The following TMEM222 variants were observed in gnomAD, a reference collection of about 807,000 sequenced individuals.
TMEM222 encodes the protein transmembrane protein 222, also known as chromosome 1 open reading frame 160.
Under a neutral mutation model 25.1 loss-of-function variants are expected in TMEM222, and 18 were observed. The ratio of observed to expected loss-of-function variants is 0.72; its 90% CI spans 0.50 to 1.06. TMEM222 has a LOEUF of 1.06. Ranked by LOEUF, TMEM222 falls within the 50% of genes least tolerant of loss-of-function variation. TMEM222 has a pLI of 0.00. For synonymous variants in TMEM222, 131 were observed against 117.9 expected (o/e 1.11, Z -0.72); for missense variants, 296 against 293.7 (o/e 1.01, Z -0.06).
intron 2 of TMEM222, chr1:27,331,107 TC>T: frequency 7.9e-7 from 1 of 1,263,442 alleles, no homozygotes; most frequent in Non-Finnish European, 1.0e-6. Flanking sequence ...AGTCAGACCA[TC>T]CAGGAACCAC....
rs754512500 is a variant in TMEM222 at position 27,334,295 on chromosome 1, C to T, written c.539+14C>T. 1.2e-6 allele frequency: 2 copies of T among 1,613,940 alleles called. No homozygotes were observed. The highest frequency in any genetic ancestry group is 1.3e-5 in the African/African-American group (1 of 74,948). ...GAAGTACGTCAGGTGAGCTGCCCTC[C>T]TGCCTGCCCACCCACACACTGCCCA... On this transcript the variant is annotated intron_variant, in intron 5 of 5. Coordinates refer to ENST00000374076, the MANE Select transcript of TMEM222 (RefSeq NM_032125.3).
intron 1 of TMEM222, chr1:27,325,653 C>T: frequency 1.2e-6 from 1 of 839,868 alleles, no homozygotes. Context: ...GAAGATCAAG[C>T]TCATTGTGCC....
At chr1:27,335,291 A>T in intron 5 of TMEM222, 88 bp from the exon 6 acceptor site, 1 of 1,334,354 alleles carries the variant, frequency 7.5e-7, no homozygotes, top group Non-Finnish European at 1.1e-6. Context: ...TGGCAGCCCT[A>T]TTGGGGTCTG....
chr1:27,324,049 G>A (rs2014278428), intron 1 of TMEM222, among the ~76,000 whole-genome samples: 1 of 152,218 alleles, frequency 6.6e-6, no homozygotes, highest in Non-Finnish European at 1.5e-5. Context: ...ACAGGGGCCG[G>A]GCGTGGTGGC....
chr1:27,331,762 A>G (rs540344843), intron 2 of TMEM222, among the ~76,000 whole-genome samples: 207 of 152,368 alleles, frequency 1.4e-3, no homozygotes, highest in Middle Eastern at 6.8e-3. Context: ...ACTTGGAGAA[A>G]ATGAGGCCCA....
Position 27,322,308 on chromosome 1 carries a change from T to G in TMEM222, c.111T>G (p.Tyr37Ter), listed in dbSNP as rs1383829692. 2 of 1,559,070 alleles carry G rather than the reference T, an allele frequency of 1.3e-6. No homozygotes were observed. Among genetic ancestry groups the G allele is most frequent in the Non-Finnish European group, 1.7e-6 (2 of 1,149,576 alleles). ...PTAAETDMKQ[Y>*]QGSGGVAMDV... Reference sequence around the variant, plus strand: ...CGGCCGAGACGGACATGAAGCAATATCAAGGCTCCGGCGGCGTCGCCATGG... The same window carrying G: ...CGGCCGAGACGGACATGAAGCAATAGCAAGGCTCCGGCGGCGTCGCCATGG... The change falls in exon 1 of 6, where the codon TAT (tyrosine) becomes TAG (stop). Residue 37 changes from tyrosine (Y) to a stop codon, truncating the protein, a stop_gained. Coordinates refer to ENST00000374076, the MANE Select transcript of TMEM222 (RefSeq NM_032125.3). LOFTEE classifies it high-confidence loss of function.
Position 27,333,977 on chromosome 1 carries a change from G to C in TMEM222, c.331G>C (p.Ala111Pro). The change falls in exon 4 of 6, where the codon GCT becomes CCT. Residue 111 changes from alanine (A) to proline (P), a missense_variant. Ala to Pro is a conservative substitution (Grantham distance 27, BLOSUM62 -1). Coordinates refer to ENST00000374076, the MANE Select transcript of TMEM222 (RefSeq NM_032125.3). ...CCCCAGGTACTGGAAGTTGGACCCT[G>C]CTCAGGTCTATGCTAGCGGGCCCAA... ...KPAKYWKLDPAQVYASGPNAW... is the reference protein window; with the variant it reads ...KPAKYWKLDPPQVYASGPNAW... The C allele has an allele frequency of 1.2e-6, 2 of 1,614,136 alleles. No individual in the cohort carries two copies. Among genetic ancestry groups the C allele is most frequent in the African/African-American group, 1.3e-5 (1 of 75,032 alleles).
intron 1 of TMEM222, among the ~76,000 whole-genome samples, chr1:27,328,118 G>A (rs1000497048): frequency 2.0e-5 from 3 of 152,172 alleles, no homozygotes; most frequent in Non-Finnish European, 4.4e-5. Flanking sequence ...ATTGTAGTGG[G>A]ATCTGGGATT....
intron 1 of TMEM222, chr1:27,325,282 T>C (rs754107318): frequency 2.3e-5 from 13 of 565,008 alleles, no homozygotes; most frequent in Non-Finnish European, 4.3e-5. Context: ...GCATGGCCCC[T>C]GCGCAAGGAT....
chr1:27,330,641 T>C, intron 1 of TMEM222, 79 bp from the exon 2 acceptor site: 1 of 1,189,918 alleles, frequency 8.4e-7, no homozygotes, highest in Non-Finnish European at 1.3e-6. Flanking sequence ...TTCTGTACTG[T>C]ATGAAGGGTC....
chr1:27,329,917 C>G (rs1032290161), intron 1 of TMEM222, among the ~76,000 whole-genome samples: 1 of 151,638 alleles, frequency 6.6e-6, no homozygotes, highest in Non-Finnish European at 1.5e-5. Context: ...GCCTGGCCAA[C>G]GTGATGAAAC....
Position 27,335,622 on chromosome 1 carries a change from A to G in TMEM222, c.*156A>G, listed in dbSNP as rs553848216. 3,091 of 684,498 alleles carry G rather than the reference A, an allele frequency of 4.5e-3. 24 individuals are homozygous for G. The highest frequency in any genetic ancestry group is 4.1e-3 in the Non-Finnish European group (1,630 of 397,296). 42.4% of individuals were successfully genotyped at this position (684,498 alleles called of 1,614,324 possible). A position where few individuals can be genotyped will look rare whatever the true frequency, so the allele number is the denominator to read the frequency against. ...TGGCAGGATGGAAGGACTGAGGACC[A>G]GCATGAAGTGGGGGTTTGTTGTCTC... On this transcript the variant is annotated 3_prime_UTR_variant, in exon 6 of 6. Transcript: ENST00000374076.
intron 1 of TMEM222, chr1:27,325,537 G>A (rs1172110128): frequency 7.1e-6 from 10 of 1,408,076 alleles, no homozygotes; most frequent in African/African-American, 1.4e-5. Flanking sequence ...GTAGACATCC[G>A]CAAAGACCTG....
intron 2 of TMEM222, chr1:27,331,169 T>C (rs960390719): frequency 5.3e-6 from 6 of 1,122,592 alleles, no homozygotes; most frequent in Non-Finnish European, 6.6e-6. Flanking sequence ...CACGGGAGGC[T>C]GATTCGGTTC....
intron 3 of TMEM222, 148 bp downstream of exon 3, chr1:27,332,249 A>G: frequency 2.3e-6 from 2 of 879,124 alleles, no homozygotes; most frequent in Non-Finnish European, 3.7e-6. Flanking sequence ...CCACCAGAGC[A>G]TGGCAACCCC....
chr1:27,332,409 C>T (rs1468565437), intron 3 of TMEM222: 1 of 717,816 alleles, frequency 1.4e-6, no homozygotes, highest in African/African-American at 1.7e-5. Flanking sequence ...CAGGAAGTGG[C>T]AGAGCTGGGA....
chr1:27,332,108 G>T lies in TMEM222; in HGVS notation c.311+7G>T, dbSNP rs772033846. On this transcript the variant is annotated splice_region_variant and intron_variant, in intron 3 of 5. Coordinates refer to ENST00000374076, the MANE Select transcript of TMEM222 (RefSeq NM_032125.3). ...CCTTTGGAAAGCCTGCCAAGTAAGT[G>T]ATGAACACCCATGTGACTGGCTCTA... 6.2e-7 allele frequency: 1 copy of T among 1,614,266 alleles called. No individual in the cohort carries two copies. The highest frequency in any genetic ancestry group is 8.5e-7 in the Non-Finnish European group (1 of 1,180,046).
chr1:27,334,504 C>T, intron 5 of TMEM222: 1 of 1,341,346 alleles, frequency 7.5e-7, no homozygotes, highest in Admixed American at 2.8e-5. Flanking sequence ...AGCTCTGGCT[C>T]TTGCCTGCTG....
rs2014377220 is a variant in TMEM222, at chr1:27,327,421, C to T, written c.195-3299C>T. On this transcript the variant is annotated intron_variant, in intron 1 of 5. Coordinates refer to ENST00000374076, the MANE Select transcript of TMEM222 (RefSeq NM_032125.3). The stretch of plus-strand genomic sequence containing the variant: ...TTATTTATTTAGAGACAGAGTCTTG[C>T]TCTGTCACCCAGGCTGGAATGCAGT... 2.6e-5 allele frequency among the ~76,000 whole-genome samples: 4 copies of T among 152,280 alleles called. No homozygotes were observed. In the South Asian group the frequency reaches 8.3e-4, roughly 32 times the overall value.
Sources: gnomAD v4.1 joint callset for allele counts (sites outside exome capture counted in the v4.1 genomes callset) on GRCh38, gnomAD v4.1.1 for gene constraint, MANE v1.5 for transcripts, NCBI Gene and HGNC (gene_info 2026-07-23, HGNC 2026-07-21) for gene names.